Variants in GPR158 observed in about 807,000 individuals in gnomAD.
The protein encoded by GPR158 is G protein-coupled receptor 158.
Under a neutral mutation model 78.2 loss-of-function variants are expected in GPR158, and 30 were observed. The observed-to-expected ratio is 0.38, with a 90% confidence interval of 0.29 to 0.52. GPR158 has a LOEUF of 0.52. GPR158 is among the 20% of genes least tolerant of loss of function. The pLI, the probability that GPR158 is intolerant of heterozygous loss-of-function variation, is 0.83. For missense variants in GPR158, 1,463 were observed against 1,523.5 expected (o/e 0.96, Z 0.66); for synonymous variants, 581 against 591.1 (o/e 0.98, Z 0.25).
At chr10:25,564,944 G>A (rs902227202) in intron 6 of GPR158, among the ~76,000 whole-genome samples, 1 of 152,046 alleles carries the variant, frequency 6.6e-6, no homozygotes, top group Non-Finnish European at 1.5e-5. Flanking sequence ...CTATTCATTT[G>A]TATTTACTGA....
chr10:25,210,900 G>A lies in GPR158; in HGVS notation c.903-10152G>A, dbSNP rs139420996. On this transcript the variant is annotated intron_variant, in intron 1 of 10. Coordinates refer to ENST00000376351, the MANE Select transcript of GPR158 (RefSeq NM_020752.3). ...TGTAATCCCAGCACTTTGGGAGGCC[G>A]AGGTGGGTGGATCACGAGGTCAGGA... Among the ~76,000 whole-genome samples the A allele has an allele frequency of 4.2e-3, 634 of 152,188 alleles. 5 individuals are homozygous for A. Among genetic ancestry groups the A allele is most frequent in the African/African-American group, 0.013 (555 of 41,516 alleles).
chr10:25,286,137 T>G (rs1588775505), intron 2 of GPR158, among the ~76,000 whole-genome samples: 1 of 152,208 alleles, frequency 6.6e-6, no homozygotes, highest in Non-Finnish European at 1.5e-5. Context: ...TCCCTTTTTC[T>G]TGTATTTTAG....
chr10:25,362,065 C>T (rs959115938), intron 2 of GPR158, among the ~76,000 whole-genome samples: 4 of 151,858 alleles, frequency 2.6e-5, no homozygotes, highest in Admixed American at 2.0e-4. Context: ...TGAGAATATC[C>T]TGAAATATTT....
intron 8 of GPR158, 86 bp downstream of exon 8, chr10:25,589,231 A>C: frequency 1.1e-6 from 1 of 880,308 alleles, no homozygotes; most frequent in Non-Finnish European, 1.7e-6. Context: ...AAGATGCATA[A>C]TAGAAAGACT....
At chr10:25,247,421 C>T (rs889190740) in intron 2 of GPR158, among the ~76,000 whole-genome samples, 2 of 143,018 alleles carry the variant, frequency 1.4e-5, no homozygotes, top group Admixed American at 7.0e-5. Context: ...CCCACTAACT[C>T]GTCATCTAGC....
chr10:25,244,969 T>G (rs1241233818), intron 2 of GPR158: 1 of 152,142 alleles, frequency 6.6e-6, no homozygotes. Flanking sequence ...GGTCACTTGG[T>G]TGGATTAATG....
Position 25,230,921 on chromosome 10 carries a change from G to A in GPR158, c.1008+9764G>A, listed in dbSNP as rs565313980. ...TTTGTGGAGCTCGTTAAAACTGCAT[G>A]CGATATTGGCTATATGTTTGGACTA... On this transcript the variant is annotated intron_variant, in intron 2 of 10. Coordinates refer to ENST00000376351, the MANE Select transcript of GPR158 (RefSeq NM_020752.3). Among the ~76,000 whole-genome samples, 8 of 152,258 alleles carry A rather than the reference G, an allele frequency of 5.3e-5. No homozygotes were observed. In the South Asian group the frequency reaches 1.4e-3, roughly 28 times the overall value.
chr10:25,248,494 A>T (rs966046533), intron 2 of GPR158, among the ~76,000 whole-genome samples: 1 of 149,974 alleles, frequency 6.7e-6, no homozygotes, highest in Non-Finnish European at 1.5e-5. Flanking sequence ...TTTTTGTATA[A>T]GGTGTAAGGA....
At chr10:25,216,186 G>T (rs1242429258) in intron 1 of GPR158, among the ~76,000 whole-genome samples, 1 of 152,134 alleles carries the variant, frequency 6.6e-6, no homozygotes, top group African/African-American at 2.4e-5. Context: ...ATTCTGTTCT[G>T]GTTGTCTATT....
At chr10:25,425,709 A>G (rs1266697222) in intron 4 of GPR158, among the ~76,000 whole-genome samples, 1 of 151,134 alleles carries the variant, frequency 6.6e-6, no homozygotes, top group East Asian at 1.9e-4. Context: ...AGAACAAAAC[A>G]AACAATCCCA....
At chr10:25,585,805 C>T (rs959070130) in intron 7 of GPR158, among the ~76,000 whole-genome samples, 16 of 152,060 alleles carry the variant, frequency 1.1e-4, no homozygotes, top group African/African-American at 3.9e-4. Flanking sequence ...ATGCCAAAAC[C>T]CCATCTCTAC....
At chr10:25,344,839 G>A (rs1014442874) in intron 2 of GPR158, among the ~76,000 whole-genome samples, 5 of 151,968 alleles carry the variant, frequency 3.3e-5, no homozygotes, top group African/African-American at 9.7e-5. Flanking sequence ...CAGTTCTAGA[G>A]CCTGGAAGTC....
intron 2 of GPR158, among the ~76,000 whole-genome samples, chr10:25,342,002 T>C (rs1378606752): frequency 1.3e-5 from 2 of 152,000 alleles, no homozygotes; most frequent in Admixed American, 6.6e-5. Context: ...CTGATACTTA[T>C]TGCTCTTATT....
chr10:25,433,587 G>A (rs189634945), intron 4 of GPR158, among the ~76,000 whole-genome samples: 1,626 of 148,054 alleles, frequency 0.011, 10 homozygotes, highest in Non-Finnish European at 0.016. Context: ...GCGCGTGCGC[G>A]TGCGCATATA....
At position 25,439,403 on chromosome 10, in the gene GPR158, C is replaced by T. The variant is rs113785196; in HGVS notation, c.1335+26930C>T. Among the ~76,000 whole-genome samples, 1,295 of 152,230 alleles carry T rather than the reference C, an allele frequency of 8.5e-3. 13 individuals are homozygous for T. Among genetic ancestry groups the T allele is most frequent in the African/African-American group, 0.029 (1,202 of 41,534 alleles). ...CTCCCACTGGGTCCCTCCCACAATA[C>T]GTGGGAATTATAGGAATACAATTCA... is the stretch of plus-strand genomic sequence containing the variant. On this transcript the variant is annotated intron_variant, in intron 4 of 10. Transcript: ENST00000376351.
At chr10:25,488,114 A>G (rs925885068) in intron 5 of GPR158, among the ~76,000 whole-genome samples, 3 of 152,312 alleles carry the variant, frequency 2.0e-5, no homozygotes, top group African/African-American at 7.2e-5. Context: ...GGAAGTGGAT[A>G]GTCCAAAGCT....
intron 5 of GPR158, among the ~76,000 whole-genome samples, chr10:25,537,055 A>G (rs979818511): frequency 6.6e-6 from 1 of 152,232 alleles, no homozygotes; most frequent in African/African-American, 2.4e-5. Flanking sequence ...CCTGTGTCTC[A>G]AGTCACTTTA....
chr10:25,476,971 A>G (rs10159703), intron 5 of GPR158, among the ~76,000 whole-genome samples: 4,894 of 152,220 alleles, frequency 0.032, 283 homozygotes, highest in African/African-American at 0.11. Flanking sequence ...CTGATATTCA[A>G]TCATCTTAAC....
rs1837023981 is a variant in GPR158, at chr10:25,572,658, G to A, written c.1524G>A (p.Lys508=). 6.2e-7 allele frequency: 1 copy of A among 1,607,766 alleles called. No individual in the cohort carries two copies. Among genetic ancestry groups the A allele is most frequent in the Non-Finnish European group, 8.5e-7 (1 of 1,174,300 alleles). The part of the protein sequence containing the change: ...TVTLKLHRVL[K]VFLSRTAQRI... ...ACTTTTGCTTTTCTAGGGTTTTGAA[G>A]GTGTTTCTTTCACGAACGGCTCAAC... is the stretch of plus-strand genomic sequence containing the variant. Residue 508 remains lysine, a synonymous_variant, in exon 7 of 11, where the codon AAG becomes AAA. Coordinates refer to ENST00000376351, the MANE Select transcript of GPR158 (RefSeq NM_020752.3).
Sources: allele counts gnomAD v4.1 joint callset (sites outside exome capture counted in the v4.1 genomes callset), GRCh38; gene constraint gnomAD v4.1.1; transcripts MANE v1.5; gene names NCBI Gene and HGNC (gene_info 2026-07-23, HGNC 2026-07-21).